The following BIRC6 variants were observed in gnomAD, a reference collection of about 807,000 sequenced individuals.
BIRC6 encodes the protein dual E2 ubiquitin-conjugating enzyme/E3 ubiquitin-protein ligase BIRC6.
A neutral mutation model predicts 503.3 loss-of-function variants in BIRC6; 98 were observed. The observed-to-expected ratio is 0.19, with a 90% CI of 0.17 to 0.23. BIRC6 has a LOEUF of 0.23. Ranked by LOEUF, BIRC6 falls within the 10% of genes least tolerant of loss-of-function variation. BIRC6 has a pLI of 1.00. For missense variants in BIRC6, 5,360 were observed against 5,806.0 expected (o/e 0.92, Z 2.50); for synonymous variants, 2,240 against 2,078.7 (o/e 1.08, Z -2.11).
chr2:32,363,423 C>T (rs1236638045), intron 1 of BIRC6, among the ~76,000 whole-genome samples: 4 of 151,892 alleles, frequency 2.6e-5, no homozygotes, highest in Non-Finnish European at 5.9e-5. Context: ...TTTGAACTTC[C>T]TAAGGTTTTT....
At chr2:32,597,569 A>T (rs1429905405) in intron 68 of BIRC6, among the ~76,000 whole-genome samples, 182 bp from the exon 69 acceptor site, 2 of 152,202 alleles carry the variant, frequency 1.3e-5, no homozygotes, top group African/African-American at 4.8e-5. Context: ...TCCATCTGGC[A>T]GTGCTAATCC....
chr2:32,578,979 A>AATATATATATATATGTATATATATATAT (rs1407258691), intron 66 of BIRC6, among the ~76,000 whole-genome samples: 1 of 74,338 alleles, frequency 1.3e-5, no homozygotes, highest in Non-Finnish European at 2.6e-5. Context: ...TTATATACCT[A>AATATATATATATATGTATATATATATAT]ATATATATAT....
intron 68 of BIRC6, among the ~76,000 whole-genome samples, chr2:32,595,908 G>A (rs1020951179): frequency 6.6e-6 from 1 of 152,144 alleles, no homozygotes; most frequent in African/African-American, 2.4e-5. Context: ...TTTGGTCAGT[G>A]TCTAATGATA....
At chr2:32,563,895 A>G (rs1050115932) in intron 65 of BIRC6, 9 of 152,230 alleles carry the variant, frequency 5.9e-5, no homozygotes, top group African/African-American at 9.7e-5. Context: ...CCTGGCCAAC[A>G]TGGTGAACCT....
chr2:32,471,123 T>C lies in BIRC6; in HGVS notation c.6591T>C (p.Asn2197=). ...CAGCAGCTGCAAAGAAACCTTTGAA[T>C]GGTAAAGACAGGGAGAGGTTTCTGA... is the stretch of plus-strand genomic sequence containing the variant. ...DEAAAAKKPL[N]GNQWSFINNN... The change falls in exon 32 of 74, where the codon AAT becomes AAC. Residue 2197 remains asparagine, a splice_region_variant and synonymous_variant. Coordinates refer to ENST00000421745, the MANE Select transcript of BIRC6 (RefSeq NM_016252.4). 6.4e-7 allele frequency: 1 copy of C among 1,563,660 alleles called. No homozygotes were observed. Among genetic ancestry groups the C allele is most frequent in the Middle Eastern group, 1.7e-4 (1 of 5,992 alleles).
intron 38 of BIRC6, among the ~76,000 whole-genome samples, chr2:32,481,853 A>G (rs955318328): frequency 9.2e-5 from 14 of 152,204 alleles, no homozygotes; most frequent in African/African-American, 3.4e-4. Context: ...AGGAAAATAT[A>G]CATACATTAC....
In BIRC6 at chr2:32,618,354, A is replaced by T. The variant is rs1240646875; in HGVS notation, c.*450A>T. On this transcript the variant is annotated 3_prime_UTR_variant, in exon 74 of 74. Coordinates refer to ENST00000421745, the MANE Select transcript of BIRC6 (RefSeq NM_016252.4). ...AGATTTTATGTTTGGCCATATCTTC[A>T]TGCTCACATTTGATTTCTGAAGACC... The T allele has an allele frequency of 6.6e-6, 1 of 152,496 alleles. No homozygotes were observed. The highest frequency in any genetic ancestry group is 2.4e-5 in the African/African-American group (1 of 41,412). 9.4% of individuals were successfully genotyped at this position (152,496 alleles called of 1,614,324 possible).
intron 70 of BIRC6, among the ~76,000 whole-genome samples, chr2:32,600,969 G>C (rs534226043): frequency 6.6e-6 from 1 of 152,190 alleles, no homozygotes; most frequent in Admixed American, 6.5e-5. Flanking sequence ...ACAAAAATTC[G>C]CTAACACAAA....
chr2:32,372,886 TTATAAA>T (rs1293176127), intron 1 of BIRC6, among the ~76,000 whole-genome samples: 1 of 152,162 alleles, frequency 6.6e-6, no homozygotes, highest in Non-Finnish European at 1.5e-5. Flanking sequence ...TGTTTGATGA[TTATAAA>T]TAGAGCGACT....
chr2:32,564,726 A>G (rs997518925), intron 65 of BIRC6: 2 of 152,354 alleles, frequency 1.3e-5, no homozygotes, highest in South Asian at 2.1e-4. Flanking sequence ...CTTCTTAGCC[A>G]TGTGTACCTT....
chr2:32,448,984 G>T (rs1175168851), intron 22 of BIRC6, 56 bp downstream of exon 22: 1 of 1,523,318 alleles, frequency 6.6e-7, no homozygotes, highest in African/African-American at 1.4e-5. Context: ...GATTTAAGTT[G>T]CCATTTGACT....
intron 6 of BIRC6, among the ~76,000 whole-genome samples, chr2:32,395,926 ATC>A (rs2039826222): frequency 1.3e-5 from 2 of 152,100 alleles, no homozygotes; most frequent in Non-Finnish European, 2.9e-5. Context: ...TCAGTAGGGA[ATC>A]CATGGAGAGA....
chr2:32,607,013 A>G (rs1490591171), intron 71 of BIRC6, among the ~76,000 whole-genome samples: 1 of 151,498 alleles, frequency 6.6e-6, no homozygotes, highest in Non-Finnish European at 1.5e-5. Context: ...GTCTTATTAA[A>G]AAAAAAAAAA....
intron 4 of BIRC6, among the ~76,000 whole-genome samples, chr2:32,390,886 C>CATA: frequency 6.6e-6 from 1 of 152,182 alleles, no homozygotes; most frequent in Admixed American, 6.5e-5. Flanking sequence ...TTTTATTAGT[C>CATA]GTATTAACAA....
At chr2:32,395,666 T>C in intron 6 of BIRC6, 73 bp downstream of exon 6, 1 of 1,329,380 alleles carries the variant, frequency 7.5e-7, no homozygotes, top group Non-Finnish European at 1.1e-6. Context: ...TTTACTTTTC[T>C]GCTTATGATA....
At chr2:32,593,669 G>C (rs1474873609) in intron 66 of BIRC6, among the ~76,000 whole-genome samples, 4 of 152,112 alleles carry the variant, frequency 2.6e-5, no homozygotes, top group Admixed American at 6.5e-5. Context: ...GTGTCTCTGA[G>C]GACATCAGGT....
At position 32,476,357 on chromosome 2, in the gene BIRC6, CT is replaced by C; in HGVS notation, c.6852+17del. On this transcript the variant is annotated intron_variant, in intron 34 of 73. Transcript: ENST00000421745. ...GGCCACTTCAAAGGTATGATCTATA[CT>C]TTTCAATATAGTTATCTCAGAAAAG... The C allele has an allele frequency of 6.4e-7, 1 of 1,559,074 alleles. No homozygotes were observed. The highest frequency in any genetic ancestry group is 8.7e-7 in the Non-Finnish European group (1 of 1,153,094).
chr2:32,545,473 G>T (rs775094492), intron 62 of BIRC6, among the ~76,000 whole-genome samples, 170 bp from the exon 63 acceptor site: 22 of 151,850 alleles, frequency 1.4e-4, no homozygotes, highest in Non-Finnish European at 3.1e-4. Context: ...ATACTTATTC[G>T]TTATTAAATT....
chr2:32,584,959 G>T (rs1226147804), intron 66 of BIRC6, among the ~76,000 whole-genome samples: 2 of 151,868 alleles, frequency 1.3e-5, no homozygotes, highest in Non-Finnish European at 2.9e-5. Context: ...TTTCTTTCTG[G>T]CAGAAAAAAA....
Sources: allele counts gnomAD v4.1 joint callset (sites outside exome capture counted in the v4.1 genomes callset), GRCh38; gene constraint gnomAD v4.1.1; transcripts MANE v1.5; gene names NCBI Gene and HGNC (gene_info 2026-07-23, HGNC 2026-07-21).